DLC1: variants seen among roughly 807,000 people sequenced by gnomAD.
DLC1 encodes rho GTPase-activating protein 7.
Under a neutral mutation model 140.3 loss-of-function variants are expected in DLC1, and 54 were observed. The observed-to-expected ratio is 0.38, with a 90% CI of 0.31 to 0.48. DLC1 has a LOEUF of 0.48. Among genes scored for constraint, DLC1 ranks in the 20% least tolerant of loss-of-function variants. The probability of loss-of-function intolerance (pLI) is 0.96; values close to 1 mark genes in which losing one functional copy is unlikely to be tolerated. For synonymous variants in DLC1, 986 were observed against 728.1 expected (o/e 1.35, Z -5.70); for missense variants, 2,536 against 1,907.0 (o/e 1.33, Z -6.14).
chr8:13,532,380 A>G (rs986074263), intron 1 of DLC1, among the ~76,000 whole-genome samples: 4 of 152,248 alleles, frequency 2.6e-5, no homozygotes, highest in Non-Finnish European at 5.9e-5. Context: ...ACATAGCTTC[A>G]TAAGGTGGGA....
intron 5 of DLC1, among the ~76,000 whole-genome samples, chr8:13,131,400 G>GT (rs1003954859): frequency 6.6e-6 from 1 of 152,168 alleles, no homozygotes; most frequent in Admixed American, 6.5e-5. Context: ...GAGCTGCAAT[G>GT]TTTTTTCCAA....
At chr8:13,419,573 A>C (rs994812054) in intron 2 of DLC1, among the ~76,000 whole-genome samples, 1 of 152,162 alleles carries the variant, frequency 6.6e-6, no homozygotes, top group Non-Finnish European at 1.5e-5. Flanking sequence ...CCATTTGATC[A>C]TGGTGGATAA....
intron 1 of DLC1, among the ~76,000 whole-genome samples, chr8:13,508,018 C>A (rs76406829): frequency 0.023 from 3,510 of 152,248 alleles, 125 homozygotes; most frequent in African/African-American, 0.074. Context: ...GTGATTCAGG[C>A]AAATTTGAAA....
In DLC1 at chr8:13,561,524, G is replaced by T. The variant is rs76189812; in HGVS notation, c.-126+43013C>A. 1.7e-3 allele frequency among the ~76,000 whole-genome samples: 255 copies of T among 152,172 alleles called. 1 individual carries two copies. The highest frequency in any genetic ancestry group is 5.8e-3 in the African/African-American group (241 of 41,500). ...ACTTATTTTTTTAATGCAAAACTGG[G>T]TAAAGTGAATAATATTCTGGCAATA... On this transcript the variant is annotated intron_variant, in intron 1 of 1. Coordinates refer to the DLC1 transcript ENST00000631382.
chr8:13,115,741 T>A, intron 5 of DLC1, 84 bp from the exon 6 acceptor site: 1 of 1,300,094 alleles, frequency 7.7e-7, no homozygotes, highest in South Asian at 1.2e-5. Context: ...CGTTTTATGA[T>A]ACAAGCAAAA....
chr8:13,179,936 T>C (rs763368902), intron 5 of DLC1, among the ~76,000 whole-genome samples: 2 of 152,174 alleles, frequency 1.3e-5, no homozygotes, highest in African/African-American at 2.4e-5. Flanking sequence ...GAGGCATTGC[T>C]ACCTCTTCAA....
At chr8:13,457,943 A>G (rs1799487720) in intron 2 of DLC1, among the ~76,000 whole-genome samples, 1 of 152,138 alleles carries the variant, frequency 6.6e-6, no homozygotes, top group Non-Finnish European at 1.5e-5. Context: ...CCTGTCATTT[A>G]TTATCTTTTT....
At chr8:13,330,417 C>G (rs1292052592) in intron 4 of DLC1, among the ~76,000 whole-genome samples, 1 of 152,226 alleles carries the variant, frequency 6.6e-6, no homozygotes, top group Non-Finnish European at 1.5e-5. Context: ...GAACTTTTGA[C>G]TGAACACAAA....
intron 5 of DLC1, among the ~76,000 whole-genome samples, chr8:13,219,330 AATT>A (rs1828421889): frequency 7.0e-6 from 1 of 142,984 alleles, no homozygotes; most frequent in Admixed American, 7.2e-5. Context: ...ATATTCATAT[AATT>A]ATAATTATAT....
chr8:13,123,101 C>T (rs1439156500), intron 5 of DLC1, among the ~76,000 whole-genome samples: 1 of 152,200 alleles, frequency 6.6e-6, no homozygotes, highest in East Asian at 1.9e-4. Context: ...GACCCTCTAT[C>T]CTCCACTTAG....
At chr8:13,177,879 C>G (rs1026495239) in intron 5 of DLC1, among the ~76,000 whole-genome samples, 2 of 152,086 alleles carry the variant, frequency 1.3e-5, no homozygotes, top group South Asian at 4.1e-4. Context: ...AAACTTATTT[C>G]TTCTCTTATT....
chr8:13,433,931 C>T (rs1413402273), intron 2 of DLC1, among the ~76,000 whole-genome samples: 1 of 152,232 alleles, frequency 6.6e-6, no homozygotes, highest in Non-Finnish European at 1.5e-5. Flanking sequence ...TCTCGGCTCA[C>T]TGCAATCTCC....
In DLC1 at chr8:13,401,495, G is replaced by C; in HGVS notation, c.1148C>G (p.Pro383Arg). 6.2e-7 allele frequency: 1 copy of C among 1,612,620 alleles called. No individual in the cohort carries two copies. Among genetic ancestry groups the C allele is most frequent in the Non-Finnish European group, 8.5e-7 (1 of 1,179,992 alleles). Reference sequence around the variant, plus strand: ...AGGAACGTGCCGCCGCAGGTTTGTTGGTGTGCCTGATGGAGAGGAGCTGGT... The same window carrying C: ...AGGAACGTGCCGCCGCAGGTTTGTTCGTGTGCCTGATGGAGAGGAGCTGGT... Reference protein sequence around the residue: ...LSTSSSPSGTPTNLRRHVPDL... With the variant: ...LSTSSSPSGTRTNLRRHVPDL... Residue 383 changes from proline to arginine, a missense_variant, in exon 3 of 18, where the codon CCA (proline) becomes CGA (arginine). Pro to Arg is a moderately radical substitution (Grantham distance 103, BLOSUM62 -2). Transcript: ENST00000276297.
In DLC1 at chr8:13,405,848, TTCTG is replaced by T. The variant is rs200462201; in HGVS notation, c.1024-4233_1024-4230del. Among the ~76,000 whole-genome samples the T allele has an allele frequency of 1.5e-3, 222 of 146,910 alleles. 7 individuals carry two copies. In the East Asian group the frequency reaches 0.04, roughly 27 times the overall value. On this transcript the variant is annotated intron_variant, in intron 2 of 17. Coordinates refer to ENST00000276297, the MANE Select transcript of DLC1 (RefSeq NM_182643.3). Reference sequence around the variant, plus strand: ...TTCTTCCTTCCCTCCCTCCCTCCCTTTCTGTCTTTCTCTCTTTTCTTTTCTTTTT... The same window carrying T: ...TTCTTCCTTCCCTCCCTCCCTCCCTTTCTTTCTCTCTTTTCTTTTCTTTTT...
intron 2 of DLC1, among the ~76,000 whole-genome samples, chr8:13,407,626 G>A (rs893812295): frequency 6.6e-6 from 1 of 152,162 alleles, no homozygotes; most frequent in African/African-American, 2.4e-5. Context: ...ATATAGCATT[G>A]CTTGAACGCT....
chr8:13,272,586 G>A (rs1002647215), intron 5 of DLC1, among the ~76,000 whole-genome samples: 1 of 152,192 alleles, frequency 6.6e-6, no homozygotes, highest in African/African-American at 2.4e-5. Context: ...AACTGGCTGG[G>A]TGCGGTGGCT....
At position 13,194,683 on chromosome 8, in the gene DLC1, T is replaced by C. The variant is rs117062779; in HGVS notation, c.1349-79026A>G. On this transcript the variant is annotated intron_variant, in intron 5 of 17. Transcript: ENST00000276297. ...TTTTCATAGTCAACTTGAAGAAACA[T>C]TGTAGGCCGCAAGCATTCCATTTTG... Among the ~76,000 whole-genome samples the C allele has an allele frequency of 2.3e-4, 35 of 152,258 alleles. No individual in the cohort carries two copies. In the East Asian group the frequency reaches 5.8e-3, roughly 25 times the overall value.
At chr8:13,336,064 A>C (rs1833799709) in intron 4 of DLC1, among the ~76,000 whole-genome samples, 2 of 152,134 alleles carry the variant, frequency 1.3e-5, no homozygotes, top group East Asian at 3.9e-4. Flanking sequence ...CTTTACAAAA[A>C]CTGGGCAGAA....
intron 2 of DLC1, among the ~76,000 whole-genome samples, chr8:13,487,041 A>G (rs1186632707): frequency 1.3e-5 from 2 of 152,082 alleles, no homozygotes; most frequent in Non-Finnish European, 2.9e-5. Context: ...CCTCTGAGGG[A>G]AGTCTGCTGC....
Sources: allele counts gnomAD v4.1 joint callset (sites outside exome capture counted in the v4.1 genomes callset), GRCh38; gene constraint gnomAD v4.1.1; transcripts MANE v1.5; gene names NCBI Gene and HGNC (gene_info 2026-07-23, HGNC 2026-07-21).